The following RCOR1 variants were observed in gnomAD, a reference collection of about 807,000 sequenced individuals.
RCOR1 encodes REST corepressor.
A neutral mutation model predicts 64.0 loss-of-function variants in RCOR1; 12 were observed. The observed-to-expected ratio is 0.19, with a 90% CI of 0.12 to 0.30. RCOR1 has a LOEUF of 0.30. RCOR1 is among the 10% of genes least tolerant of loss of function. The pLI is 1.00. For synonymous variants in RCOR1, 279 were observed against 227.2 expected, an observed-to-expected ratio of 1.23 and a Z score of -2.05; for missense variants, 502 against 621.2, an observed-to-expected ratio of 0.81 and a Z score of 2.04.
At chr14:102,621,367 C>CTTTTTTTTTTTTTTTT (rs35481023) in intron 2 of RCOR1, among the ~76,000 whole-genome samples, 1 of 78,516 alleles carries the variant, frequency 1.3e-5, no homozygotes, top group Non-Finnish European at 2.3e-5. Flanking sequence ...CAGTCTTTGT[C>CTTTTTTTTTTTTTTTT]TTTTTTTTTT....
chr14:102,671,602 C>A (rs1475990722), intron 2 of RCOR1, among the ~76,000 whole-genome samples: 2 of 152,140 alleles, frequency 1.3e-5, no homozygotes, highest in African/African-American at 2.4e-5. Flanking sequence ...ACTGTGTTGC[C>A]CAGGCTGGCC....
At chr14:102,649,693 C>G (rs776272366) in intron 2 of RCOR1, 148 of 575,188 alleles carry the variant, frequency 2.6e-4, no homozygotes, top group Non-Finnish European at 2.4e-4. Flanking sequence ...TGGGGTAATT[C>G]TGGTGTTGTC....
chr14:102,657,704 G>T, intron 2 of RCOR1: 2 of 375,758 alleles, frequency 5.3e-6, no homozygotes. Flanking sequence ...CGGACTTGGT[G>T]GTGCGTGCCT....
intron 2 of RCOR1, among the ~76,000 whole-genome samples, chr14:102,644,293 C>T (rs572833312): frequency 2.6e-5 from 4 of 152,184 alleles, no homozygotes; most frequent in Admixed American, 6.5e-5. Flanking sequence ...GACCCAGCCT[C>T]GGAAGTCACA....
intron 2 of RCOR1, among the ~76,000 whole-genome samples, chr14:102,617,587 CT>C (rs71119722): frequency 2.6e-3 from 312 of 118,238 alleles, no homozygotes; most frequent in African/African-American, 6.4e-3. Context: ...CTGTCTCTTT[CT>C]TTTTTTTTTT....
At chr14:102,674,652 C>T (rs1025903072) in intron 2 of RCOR1, among the ~76,000 whole-genome samples, 14 of 152,114 alleles carry the variant, frequency 9.2e-5, no homozygotes, top group Admixed American at 3.3e-4. Context: ...ACTGTACAGC[C>T]CTACTAGCCG....
In RCOR1 at chr14:102,592,994, C is replaced by G; in HGVS notation, c.108C>G (p.Ala36=). 8.5e-7 allele frequency: 1 copy of G among 1,171,146 alleles called. No homozygotes were observed. The highest frequency in any genetic ancestry group is 1.1e-6 in the Non-Finnish European group (1 of 949,604). The allele number at this position is 1,171,146 out of a possible 1,614,324, so 72.5% of individuals were successfully genotyped here. ...CCGCCGCCTCCGCCGCCGCCTCGGC[C>G]GCCTGCGCCTCGCCAGCCGCCACTG... ...SAAAASAAAS[A]ACASPAATAA... is the part of the protein sequence containing the mutation. The change falls in exon 1 of 12, where the codon GCC becomes GCG. Residue 36 remains alanine (A), a synonymous_variant. Transcript: ENST00000262241.
intron 5 of RCOR1, 27 bp downstream of exon 5, chr14:102,707,539 A>ATT: frequency 6.4e-7 from 1 of 1,555,370 alleles, no homozygotes; most frequent in Admixed American, 2.1e-5. Flanking sequence ...ACTGAGTTCT[A>ATT]TTTTTTTTCT....
intron 8 of RCOR1, among the ~76,000 whole-genome samples, chr14:102,717,228 C>T (rs78551413): frequency 1.6e-3 from 242 of 152,348 alleles, no homozygotes; most frequent in Non-Finnish European, 2.9e-3. Context: ...AATTCAGTTT[C>T]CAGAAATCCA....
intron 5 of RCOR1, among the ~76,000 whole-genome samples, chr14:102,708,201 G>A (rs1214433717): frequency 1.3e-5 from 2 of 152,066 alleles, no homozygotes; most frequent in East Asian, 1.9e-4. Context: ...TCTTGACCTC[G>A]TGATCCACCC....
intron 2 of RCOR1, among the ~76,000 whole-genome samples, chr14:102,626,992 TTTA>T (rs1343861325): frequency 1.3e-5 from 2 of 152,182 alleles, no homozygotes; most frequent in Admixed American, 1.3e-4. Context: ...CCAAGAGGCT[TTTA>T]TTATAGGTTA....
intron 2 of RCOR1, chr14:102,649,920 C>T (rs1894549685): frequency 2.7e-6 from 1 of 370,638 alleles, no homozygotes; most frequent in African/African-American, 2.2e-5. Flanking sequence ...TGGCCTTGGG[C>T]CGGGCGCGGT....
intron 4 of RCOR1, among the ~76,000 whole-genome samples, chr14:102,706,287 G>T (rs1895858980): frequency 6.6e-6 from 1 of 151,930 alleles, no homozygotes; most frequent in Non-Finnish European, 1.5e-5. Flanking sequence ...ACAGAGATTG[G>T]CATAATGGGT....
chr14:102,598,947 C>G (rs1035747695), intron 2 of RCOR1, among the ~76,000 whole-genome samples: 2 of 151,800 alleles, frequency 1.3e-5, no homozygotes, highest in Non-Finnish European at 2.9e-5. Context: ...ATGTGTTGTC[C>G]AGACTGCCTT....
At chr14:102,614,963 C>G (rs1893723558) in intron 2 of RCOR1, among the ~76,000 whole-genome samples, 1 of 151,706 alleles carries the variant, frequency 6.6e-6, no homozygotes, top group Non-Finnish European at 1.5e-5. Flanking sequence ...TCCCGAGTAG[C>G]TGGGAGTACA....
At chr14:102,615,128 G>GCCCCC (rs11382616) in intron 2 of RCOR1, among the ~76,000 whole-genome samples, 7 of 132,488 alleles carry the variant, frequency 5.3e-5, no homozygotes, top group African/African-American at 1.2e-4. Context: ...ATAGTGCCCG[G>GCCCCC]CCCCCCCGCC....
Position 102,593,066 on chromosome 14 carries a change from A to AGCC in RCOR1, c.190_192dup (p.Ala64dup), listed in dbSNP as rs761062294. The AGCC allele has an allele frequency of 4.8e-5, 67 of 1,401,970 alleles. No individual in the cohort carries two copies. Among genetic ancestry groups the AGCC allele is most frequent in the South Asian group, 3.5e-4 (23 of 66,536 alleles). The allele number at this position is 1,401,970 out of a possible 1,614,324, so 86.8% of individuals were successfully genotyped here. Reference sequence around the variant, plus strand: ...CCTCAGCCTCGGCCGCCGCCGCCTCAGCCGCCGCCGCCCCCAATAATGGCC... The same window carrying AGCC: ...CCTCAGCCTCGGCCGCCGCCGCCTCAGCCGCCGCCGCCGCCCCCAATAATGGCC... On this transcript the variant is annotated inframe_insertion, in exon 1 of 12. Coordinates refer to ENST00000262241, the MANE Select transcript of RCOR1 (RefSeq NM_015156.4).
chr14:102,658,032 T>C, intron 2 of RCOR1: 1 of 756,394 alleles, frequency 1.3e-6, no homozygotes, highest in Non-Finnish European at 1.6e-6. Context: ...TGGAGTGCAG[T>C]GGCATGATCT....
intron 2 of RCOR1, among the ~76,000 whole-genome samples, chr14:102,680,696 T>C (rs187830380): frequency 2.6e-5 from 4 of 152,180 alleles, no homozygotes; most frequent in Admixed American, 2.6e-4. Context: ...TCCCAGCTAC[T>C]CAAGAGGCTG....
Sources: gnomAD v4.1 joint callset for allele counts (sites outside exome capture counted in the v4.1 genomes callset) on GRCh38, gnomAD v4.1.1 for gene constraint, MANE v1.5 for transcripts, NCBI Gene and HGNC (gene_info 2026-07-23, HGNC 2026-07-21) for gene names.